Variants in SLC36A3 observed in about 807,000 individuals in gnomAD.
The protein encoded by SLC36A3 is proton-coupled amino acid transporter 3.
A neutral mutation model predicts 44.3 loss-of-function variants in SLC36A3; 35 were observed. The observed-to-expected ratio is 0.79, with a 90% CI of 0.60 to 1.05. The LOEUF is 1.05. SLC36A3 is among the 50% of genes least tolerant of loss of function. SLC36A3 has a pLI of 0.00. For missense variants in SLC36A3, 540 were observed against 578.7 expected, an observed-to-expected ratio of 0.93 and a Z score of 0.69; for synonymous variants, 211 against 227.6, an observed-to-expected ratio of 0.93 and a Z score of 0.66.
intron 4 of SLC36A3, among the ~76,000 whole-genome samples, chr5:151,290,369 T>A (rs1754711412): frequency 6.6e-6 from 1 of 152,194 alleles, no homozygotes; most frequent in African/African-American, 2.4e-5. Context: ...GAATAATATC[T>A]TTTTCTGTCT....
intron 4 of SLC36A3, among the ~76,000 whole-genome samples, 162 bp downstream of exon 4, chr5:151,293,202 T>C (rs1000124833): frequency 6.6e-6 from 1 of 152,238 alleles, no homozygotes; most frequent in Non-Finnish European, 1.5e-5. Flanking sequence ...GATTACCTTA[T>C]GGGTACAGAG....
intron 7 of SLC36A3, among the ~76,000 whole-genome samples, 173 bp downstream of exon 7, chr5:151,284,440 C>T (rs931736508): frequency 6.6e-6 from 1 of 152,136 alleles, no homozygotes; most frequent in Non-Finnish European, 1.5e-5. Context: ...CAATGCTTAG[C>T]GTGGTATATT....
At position 151,277,675 on chromosome 5, in the gene SLC36A3, A is replaced by G. The variant is rs780777277; in HGVS notation, c.1145-14T>C. ...TGGCTGAGACACCTGCAATGAAAGG[A>G]GATATTTAGAATCACTGAATGTGCT... On this transcript the variant is annotated splice_polypyrimidine_tract_variant and intron_variant, in intron 9 of 9. Coordinates refer to ENST00000335230, the MANE Select transcript of SLC36A3 (RefSeq NM_181774.4). 6.2e-7 allele frequency: 1 copy of G among 1,611,808 alleles called. No homozygotes were observed. Among genetic ancestry groups the G allele is most frequent in the Admixed American group, 1.7e-5 (1 of 59,710 alleles).
rs1754297911 is a variant in SLC36A3, at chr5:151,281,089, C to G, written c.1069G>C (p.Ala357Pro). The G allele has an allele frequency of 1.2e-6, 2 of 1,614,124 alleles. No individual in the cohort carries two copies. The highest frequency in any genetic ancestry group is 2.7e-5 in the African/African-American group (2 of 75,020). ...HVPAEIIIPF[A>P]ISQVSESWAL... ...CAGCTCTCTGACACTTGGGAGATGG[C>G]AAACGGGATGATGATCTCAGCTGGG... is the stretch of plus-strand genomic sequence containing the variant. Residue 357 changes from alanine (A) to proline (P), a missense_variant, in exon 9 of 10, where the codon GCC (alanine) becomes CCC (proline). By Grantham distance (27) the Ala-to-Pro change is conservative. Transcript: ENST00000335230.
rs777445676 is a variant in SLC36A3, at chr5:151,298,690, TG to T, written c.129-8del. 1.2e-6 allele frequency: 2 copies of T among 1,613,782 alleles called. No homozygotes were observed. The highest frequency in any genetic ancestry group is 1.7e-6 in the Non-Finnish European group (2 of 1,179,802). On this transcript the variant is annotated splice_polypyrimidine_tract_variant and splice_region_variant and intron_variant, in intron 1 of 9. Transcript: ENST00000335230. ...GATCAAAGTTTGCATCATCCTGTGG[TG>T]GGGAGAGTAGGGAGACAGAGGGTAC... is the stretch of plus-strand genomic sequence containing the variant.
Position 151,303,364 on chromosome 5 carries a change from G to A in SLC36A3, c.-10C>T, listed in dbSNP as rs755711545. 36 of 1,610,450 alleles carry A rather than the reference G, an allele frequency of 2.2e-5. No homozygotes were observed. In the East Asian group the frequency reaches 2.7e-4, roughly 12 times the overall value. ...TTCCAAGCAATGACATCTTCAACACGGTGGGTAGGTGGCAGAGGCTCAGGG... is the reference window on the plus strand; with the variant it reads ...TTCCAAGCAATGACATCTTCAACACAGTGGGTAGGTGGCAGAGGCTCAGGG... On this transcript the variant is annotated 5_prime_UTR_variant, in exon 1 of 10. Transcript: ENST00000335230.
intron 1 of SLC36A3, among the ~76,000 whole-genome samples, chr5:151,300,560 T>C (rs1023019106): frequency 6.6e-6 from 1 of 152,186 alleles, no homozygotes; most frequent in African/African-American, 2.4e-5. Flanking sequence ...TTCCTTTGTC[T>C]CTCACTTCTT....
At chr5:151,301,608 T>G (rs1755166531) in intron 1 of SLC36A3, among the ~76,000 whole-genome samples, 1 of 151,920 alleles carries the variant, frequency 6.6e-6, no homozygotes, top group East Asian at 1.9e-4. Flanking sequence ...CTTTAAAAAC[T>G]CTAATTCCCG....
chr5:151,282,385 C>T (rs556071020), intron 8 of SLC36A3, among the ~76,000 whole-genome samples: 2 of 152,120 alleles, frequency 1.3e-5, no homozygotes, highest in Admixed American at 1.3e-4. Flanking sequence ...TCTGGCTGGT[C>T]GCGAACTCCC....
intron 4 of SLC36A3, 59 bp from the exon 5 acceptor site, chr5:151,288,529 A>C: frequency 1.6e-6 from 2 of 1,222,010 alleles, no homozygotes; most frequent in Non-Finnish European, 2.3e-6. Context: ...ATTATTTCTT[A>C]AGAATGTTTA....
chr5:151,284,624 C>T lies in SLC36A3; in HGVS notation c.796G>A (p.Gly266Ser). The change falls in exon 7 of 10, where the codon GGC (glycine) becomes AGC (serine). Residue 266 changes from glycine to serine, a missense_variant. Coordinates refer to ENST00000335230, the MANE Select transcript of SLC36A3 (RefSeq NM_181774.4). ...FFGTAIFTFE[G>S]VGMVLPLKNQ... ...CCCATCAATCTTACCATACCGACGC[C>T]TTCAAATGTGAAGATGGCTGTACCA... 5.0e-6 allele frequency: 8 copies of T among 1,611,540 alleles called. No homozygotes were observed. The highest frequency in any genetic ancestry group is 5.9e-6 in the Non-Finnish European group (7 of 1,178,216).
chr5:151,286,679 T>C (rs1754545891), intron 6 of SLC36A3, among the ~76,000 whole-genome samples: 3 of 152,170 alleles, frequency 2.0e-5, no homozygotes. Context: ...ATAGTTTCCA[T>C]TTGTGATTGT....
chr5:151,300,020 C>T (rs1197193960), intron 1 of SLC36A3, among the ~76,000 whole-genome samples: 1 of 152,196 alleles, frequency 6.6e-6, no homozygotes, highest in African/African-American at 2.4e-5. Context: ...AAAAGGCAAG[C>T]ATGGGCTGGT....
At chr5:151,281,711 G>A (rs1363679384) in intron 8 of SLC36A3, among the ~76,000 whole-genome samples, 4 of 152,048 alleles carry the variant, frequency 2.6e-5, no homozygotes, top group Admixed American at 2.0e-4. Flanking sequence ...CCAGCTACTC[G>A]GGAGGCTGAG....
intron 4 of SLC36A3, among the ~76,000 whole-genome samples, chr5:151,290,992 T>C (rs1057443734): frequency 1.3e-5 from 2 of 152,074 alleles, no homozygotes; most frequent in East Asian, 3.8e-4. Flanking sequence ...AATTTCTTTT[T>C]TTTTTTTTGA....
intron 4 of SLC36A3, among the ~76,000 whole-genome samples, chr5:151,290,029 C>A (rs75353969): frequency 0.032 from 4,802 of 151,936 alleles, 109 homozygotes; most frequent in Non-Finnish European, 0.042. Context: ...AATTTATTAG[C>A]TGGTTTTTAA....
intron 9 of SLC36A3, among the ~76,000 whole-genome samples, chr5:151,278,439 T>G (rs1380008452): frequency 1.3e-5 from 2 of 152,212 alleles, no homozygotes; most frequent in African/African-American, 4.8e-5. Context: ...ATGATTTAAT[T>G]TTATGCAAAT....
In SLC36A3 at chr5:151,302,765, A is replaced by G. The variant is rs191895661; in HGVS notation, c.128+462T>C. The stretch of plus-strand genomic sequence containing the variant: ...TTAAATTTAATTTAATTAAAAAAAA[A>G]GAGAGAAGAGTTCCATGTGTCTGAG... On this transcript the variant is annotated intron_variant, in intron 1 of 9. Transcript: ENST00000335230. Among the ~76,000 whole-genome samples, 459 of 152,216 alleles carry G rather than the reference A, an allele frequency of 3.0e-3. 3 individuals carry two copies. Among genetic ancestry groups the G allele is most frequent in the African/African-American group, 0.011 (444 of 41,520 alleles).
At position 151,299,196 on chromosome 5, in the gene SLC36A3, T is replaced by C. The variant is rs540921720; in HGVS notation, c.129-513A>G. 2.6e-4 allele frequency among the ~76,000 whole-genome samples: 39 copies of C among 148,980 alleles called. No individual in the cohort carries two copies. The East Asian group carries it at 5.2e-3, about 20-fold the overall frequency. ...CTCCTTCATCCATTTGTTCAACCAATATTCATTGTGAATATGAATTGCTTG... is the reference window on the plus strand; with the variant it reads ...CTCCTTCATCCATTTGTTCAACCAACATTCATTGTGAATATGAATTGCTTG... On this transcript the variant is annotated intron_variant, in intron 1 of 9. Transcript: ENST00000335230.
Sources: allele counts gnomAD v4.1 joint callset (sites outside exome capture counted in the v4.1 genomes callset), GRCh38; gene constraint gnomAD v4.1.1; transcripts MANE v1.5; gene names NCBI Gene and HGNC (gene_info 2026-07-23, HGNC 2026-07-21).